Variants in TNS3 observed in about 807,000 individuals in gnomAD.
TNS3 encodes the protein tensin 3.
Under a neutral mutation model 140.9 loss-of-function variants are expected in TNS3, and 45 were observed. The observed-to-expected ratio is 0.32, with a 90% CI of 0.25 to 0.41. TNS3 has a LOEUF of 0.41. Ranked by LOEUF, TNS3 falls within the 10% of genes least tolerant of loss-of-function variation. The pLI, the probability that TNS3 is intolerant of heterozygous loss-of-function variation, is 1.00. For missense variants in TNS3, 1,716 were observed against 1,906.7 expected (o/e 0.90, Z 1.86); for synonymous variants, 815 against 788.4 (o/e 1.03, Z -0.56).
At chr7:47,538,078 G>T (rs969658065) in intron 1 of TNS3, among the ~76,000 whole-genome samples, 1 of 149,784 alleles carries the variant, frequency 6.7e-6, no homozygotes, top group Non-Finnish European at 1.5e-5. Context: ...TTAGAAACCC[G>T]AAGTTCAGGA....
chr7:47,539,094 G>A (rs746137325), intron 1 of TNS3: 12 of 456,542 alleles, frequency 2.6e-5, no homozygotes, highest in South Asian at 4.6e-5. Context: ...CACAGGAACC[G>A]GCCAAAGAAA....
At chr7:47,367,004 G>A (rs747910643) in intron 17 of TNS3, among the ~76,000 whole-genome samples, 1 of 152,210 alleles carries the variant, frequency 6.6e-6, no homozygotes, top group Non-Finnish European at 1.5e-5. Flanking sequence ...GCAGCCCCCA[G>A]ATGGCAAAAC....
At chr7:47,531,685 T>C (rs1321720217) in intron 1 of TNS3, among the ~76,000 whole-genome samples, 1 of 152,262 alleles carries the variant, frequency 6.6e-6, no homozygotes, top group Non-Finnish European at 1.5e-5. Flanking sequence ...AAATATACTA[T>C]TGATGACAGC....
intron 1 of TNS3, among the ~76,000 whole-genome samples, chr7:47,560,092 A>G (rs547795549): frequency 2.0e-5 from 3 of 152,148 alleles, no homozygotes; most frequent in Non-Finnish European, 2.9e-5. Flanking sequence ...CATCATTGCC[A>G]TGGTCAGAAT....
At chr7:47,286,617 G>A (rs1406111180) in intron 27 of TNS3, among the ~76,000 whole-genome samples, 1 of 152,152 alleles carries the variant, frequency 6.6e-6, no homozygotes, top group Non-Finnish European at 1.5e-5. Context: ...CTGGGAAAGG[G>A]ACTTGATAAC....
intron 6 of TNS3, 84 bp from the exon 7 acceptor site, chr7:47,437,397 A>G (rs897656546): frequency 3.7e-6 from 2 of 537,236 alleles, no homozygotes; most frequent in African/African-American, 2.0e-5. Context: ...TTTAATTTTA[A>G]TTAATACTAA....
intron 17 of TNS3, among the ~76,000 whole-genome samples, chr7:47,364,034 GTCCCAGGGACTCGGAA>G (rs1790548807): frequency 1.3e-5 from 2 of 152,094 alleles, no homozygotes; most frequent in South Asian, 4.2e-4. Flanking sequence ...TTCTGACGAT[GTCCCAGGGACTCGGAA>G]CTAGCTGCTT....
chr7:47,366,613 G>A (rs1224158529), intron 17 of TNS3, among the ~76,000 whole-genome samples: 2 of 152,182 alleles, frequency 1.3e-5, no homozygotes, highest in African/African-American at 4.8e-5. Context: ...CCTTCGCCCA[G>A]GCCACCCCAG....
chr7:47,299,430 T>C (rs1299964811), intron 23 of TNS3, among the ~76,000 whole-genome samples: 2 of 152,216 alleles, frequency 1.3e-5, no homozygotes, highest in Non-Finnish European at 2.9e-5. Context: ...AGTGAGTCAC[T>C]GCGCCGGGCC....
chr7:47,357,193 TG>T (rs1262651033), intron 17 of TNS3, among the ~76,000 whole-genome samples: 1 of 152,226 alleles, frequency 6.6e-6, no homozygotes, highest in African/African-American at 2.4e-5. Context: ...ATTTTCTATC[TG>T]GGCACTAGAA....
At chr7:47,467,449 C>G (rs1796767214) in intron 4 of TNS3, among the ~76,000 whole-genome samples, 1 of 152,118 alleles carries the variant, frequency 6.6e-6, no homozygotes, top group Non-Finnish European at 1.5e-5. Flanking sequence ...TCCTGATACT[C>G]TCGGGAAAGT....
chr7:47,329,192 G>A (rs1788196759), intron 20 of TNS3, among the ~76,000 whole-genome samples: 1 of 152,154 alleles, frequency 6.6e-6, no homozygotes, highest in Non-Finnish European at 1.5e-5. Flanking sequence ...ACATTACTCA[G>A]GGTTTTCACA....
At chr7:47,380,185 CA>C (rs1038951074) in intron 16 of TNS3, among the ~76,000 whole-genome samples, 2 of 152,218 alleles carry the variant, frequency 1.3e-5, no homozygotes, top group African/African-American at 4.8e-5. Context: ...AAGGTGCCCC[CA>C]CAGCCGTACT....
At chr7:47,326,053 T>C (rs1788008885) in intron 20 of TNS3, among the ~76,000 whole-genome samples, 1 of 152,196 alleles carries the variant, frequency 6.6e-6, no homozygotes, top group African/African-American at 2.4e-5. Flanking sequence ...CAGGTGCCAA[T>C]CTGAATGTCA....
chr7:47,485,979 GGTGA>G (rs1562795033), intron 3 of TNS3, among the ~76,000 whole-genome samples: 3 of 151,144 alleles, frequency 2.0e-5, no homozygotes, highest in South Asian at 2.1e-4. Context: ...TGTGAATGTG[GGTGA>G]GTGTGGGTGT....
chr7:47,350,584 G>A (rs763868854), intron 17 of TNS3, among the ~76,000 whole-genome samples: 56 of 152,340 alleles, frequency 3.7e-4, no homozygotes, highest in Non-Finnish European at 5.9e-4. Context: ...GGCGGGAGCT[G>A]CTGTTGAACC....
At chr7:47,331,427 A>G (rs984552961) in intron 20 of TNS3, among the ~76,000 whole-genome samples, 10 of 152,134 alleles carry the variant, frequency 6.6e-5, no homozygotes, top group Admixed American at 2.0e-4. Flanking sequence ...GGAATTAAAA[A>G]CAAACACAAA....
intron 27 of TNS3, among the ~76,000 whole-genome samples, chr7:47,289,829 T>C (rs1212459069): frequency 6.6e-6 from 1 of 152,226 alleles, no homozygotes; most frequent in African/African-American, 2.4e-5. Context: ...TAATTTCATC[T>C]ATAGATTCAA....
At chr7:47,390,767 A>G (rs996769271) in intron 16 of TNS3, among the ~76,000 whole-genome samples, 1 of 152,128 alleles carries the variant, frequency 6.6e-6, no homozygotes, top group Non-Finnish European at 1.5e-5. Flanking sequence ...TAAATCTGTC[A>G]TAGAGTCTCA....
Sources: allele counts gnomAD v4.1 joint callset (sites outside exome capture counted in the v4.1 genomes callset), GRCh38; gene constraint gnomAD v4.1.1; transcripts MANE v1.5; gene names NCBI Gene and HGNC (gene_info 2026-07-23, HGNC 2026-07-21).